TBC1D12: variants seen among roughly 807,000 people sequenced by gnomAD.
TBC1D12 encodes the protein TBC1 domain family, member 12.
Under a neutral mutation model 86.7 loss-of-function variants are expected in TBC1D12, and 56 were observed. The ratio of observed to expected loss-of-function variants is 0.65; its 90% CI spans 0.52 to 0.81. The LOEUF (loss-of-function observed/expected upper bound fraction) is 0.81, where lower values mean the gene tolerates loss of function less well. Ranked by LOEUF, TBC1D12 falls within the 30% of genes least tolerant of loss-of-function variation. The pLI is 0.00. For synonymous variants in TBC1D12, 421 were observed against 411.7 expected (o/e 1.02, Z -0.27); for missense variants, 1,023 against 1,038.8 (o/e 0.98, Z 0.21).
chr10:94,484,979 T>A (rs554767941), intron 3 of TBC1D12, among the ~76,000 whole-genome samples: 2 of 152,238 alleles, frequency 1.3e-5, no homozygotes, highest in Admixed American at 1.3e-4. Context: ...AATTTGTTTA[T>A]CATTTTTAAT....
chr10:94,504,402 C>T (rs1261805619), intron 6 of TBC1D12, among the ~76,000 whole-genome samples: 4 of 152,134 alleles, frequency 2.6e-5, no homozygotes, highest in Middle Eastern at 3.4e-3. Context: ...ACATAATTTT[C>T]GATTTTCTTC....
At chr10:94,467,226 T>TTTTTGC (rs1339895442) in intron 2 of TBC1D12, among the ~76,000 whole-genome samples, 2 of 151,860 alleles carry the variant, frequency 1.3e-5, no homozygotes, top group African/African-American at 4.8e-5. Context: ...GTCGAGTTTT[T>TTTTTGC]TTTTGTTTTT....
At chr10:94,428,901 C>T (rs116924530) in intron 1 of TBC1D12, among the ~76,000 whole-genome samples, 4,504 of 151,986 alleles carry the variant, frequency 0.03, 100 homozygotes, top group South Asian at 0.045. Context: ...GACGGGGTTT[C>T]GCTATGTTGC....
At chr10:94,411,837 A>G (rs2054931985) in intron 1 of TBC1D12, among the ~76,000 whole-genome samples, 1 of 152,218 alleles carries the variant, frequency 6.6e-6, no homozygotes, top group Non-Finnish European at 1.5e-5. Context: ...GTGCACCTGT[A>G]GCCACAGTTA....
chr10:94,501,922 G>C (rs548909991), intron 6 of TBC1D12, among the ~76,000 whole-genome samples: 1 of 152,106 alleles, frequency 6.6e-6, no homozygotes, highest in Admixed American at 6.5e-5. Flanking sequence ...CTAGCTACTT[G>C]GGAGGTTTAG....
chr10:94,420,793 T>C (rs1050129881), intron 1 of TBC1D12, among the ~76,000 whole-genome samples: 7 of 152,214 alleles, frequency 4.6e-5, no homozygotes, highest in African/African-American at 1.4e-4. Flanking sequence ...TTCCGTCTTT[T>C]GGTTGTTATG....
At chr10:94,515,381 CTT>C (rs1010107235) in intron 9 of TBC1D12, among the ~76,000 whole-genome samples, 1 of 148,630 alleles carries the variant, frequency 6.7e-6, no homozygotes, top group Non-Finnish European at 1.5e-5. Context: ...GGGTTTCGCT[CTT>C]GTTGCCCAGG....
chr10:94,450,296 A>T (rs1367739824), intron 2 of TBC1D12, among the ~76,000 whole-genome samples: 5 of 152,070 alleles, frequency 3.3e-5, no homozygotes, highest in African/African-American at 1.2e-4. Context: ...TGGAGTTGTG[A>T]CAGGGTATGA....
intron 2 of TBC1D12, among the ~76,000 whole-genome samples, chr10:94,458,337 T>C (rs1393718076): frequency 1.3e-5 from 2 of 152,156 alleles, no homozygotes; most frequent in African/African-American, 4.8e-5. Context: ...AGCGTCCCCA[T>C]CAGCAAGAGG....
At chr10:94,447,689 T>C in intron 2 of TBC1D12, 1 of 984,986 alleles carries the variant, frequency 1.0e-6, no homozygotes, top group African/African-American at 1.7e-5. Context: ...TGTTAAAAAT[T>C]GAATCTGTTA....
intron 2 of TBC1D12, among the ~76,000 whole-genome samples, chr10:94,453,972 ATT>A (rs1232421648): frequency 4.6e-5 from 7 of 151,950 alleles, no homozygotes; most frequent in Non-Finnish European, 1.5e-5. Context: ...CCATTGATCT[ATT>A]TGTCTGTTCT....
At chr10:94,445,832 C>G (rs1284167659) in intron 2 of TBC1D12, among the ~76,000 whole-genome samples, 1 of 151,934 alleles carries the variant, frequency 6.6e-6, no homozygotes, top group Non-Finnish European at 1.5e-5. Context: ...CCTATAATTC[C>G]AGCTGCTCGG....
intron 1 of TBC1D12, among the ~76,000 whole-genome samples, chr10:94,418,682 C>G (rs555808613): frequency 3.3e-5 from 5 of 152,038 alleles, no homozygotes; most frequent in African/African-American, 1.2e-4. Flanking sequence ...AGTGATTCTC[C>G]TGCCTCAGCC....
At chr10:94,483,452 A>G (rs1397459025) in intron 3 of TBC1D12, among the ~76,000 whole-genome samples, 5 of 152,134 alleles carry the variant, frequency 3.3e-5, no homozygotes, top group African/African-American at 1.2e-4. Context: ...GATAAAAGTC[A>G]TTTTAACTAG....
chr10:94,429,224 T>C (rs2055184933), intron 1 of TBC1D12, among the ~76,000 whole-genome samples: 1 of 152,102 alleles, frequency 6.6e-6, no homozygotes, highest in Non-Finnish European at 1.5e-5. Flanking sequence ...ATTTCCCTTT[T>C]TGATAGCTCT....
At chr10:94,462,856 A>G (rs1204468799) in intron 2 of TBC1D12, among the ~76,000 whole-genome samples, 2 of 152,042 alleles carry the variant, frequency 1.3e-5, no homozygotes, top group African/African-American at 4.8e-5. Flanking sequence ...TAAAAGAAAC[A>G]CCTTTTGTTT....
intron 1 of TBC1D12, among the ~76,000 whole-genome samples, chr10:94,411,068 G>A (rs1274865302): frequency 6.6e-6 from 1 of 152,038 alleles, no homozygotes; most frequent in African/African-American, 2.4e-5. Context: ...GCCAGAGATA[G>A]GACTATTCCT....
At chr10:94,416,788 A>G (rs2055004567) in intron 1 of TBC1D12, among the ~76,000 whole-genome samples, 1 of 152,174 alleles carries the variant, frequency 6.6e-6, no homozygotes, top group South Asian at 2.1e-4. Context: ...TTTACAGTAG[A>G]TGAAACATGA....
At position 94,403,619 on chromosome 10, in the gene TBC1D12, C is replaced by G. The variant is rs747678380; in HGVS notation, c.971+35C>G. ...AGGCTGCATGGGACTCGGGGCGGGTCCGGGGCCGGGGCCGGAGCCGGGGTC... is the reference window on the plus strand; with the variant it reads ...AGGCTGCATGGGACTCGGGGCGGGTGCGGGGCCGGGGCCGGAGCCGGGGTC... On this transcript the variant is annotated intron_variant, in intron 1 of 12. Coordinates refer to ENST00000225235, the MANE Select transcript of TBC1D12 (RefSeq NM_015188.2). The G allele has an allele frequency of 5.0e-6, 7 of 1,406,926 alleles. No individual in the cohort carries two copies. The East Asian group carries it at 1.7e-4, about 35-fold the overall frequency. 87.2% of individuals were successfully genotyped at this position (1,406,926 alleles called of 1,614,324 possible). A position where few individuals can be genotyped will look rare whatever the true frequency, so the allele number is the denominator to read the frequency against.
Sources: allele counts gnomAD v4.1 joint callset (sites outside exome capture counted in the v4.1 genomes callset), GRCh38; gene constraint gnomAD v4.1.1; transcripts MANE v1.5; gene names NCBI Gene and HGNC (gene_info 2026-07-23, HGNC 2026-07-21).